Variants in AKAP6 observed in about 807,000 individuals in gnomAD.
AKAP6 encodes A-kinase anchoring protein 6, also known as A-kinase anchor protein 6.
Under a neutral mutation model 188.5 loss-of-function variants are expected in AKAP6, and 58 were observed. That is an observed-to-expected ratio of 0.31 (90% CI 0.25 to 0.38). The LOEUF (loss-of-function observed/expected upper bound fraction) is 0.38, where lower values mean the gene tolerates loss of function less well. AKAP6 is among the 10% of genes least tolerant of loss of function. The pLI is 1.00. For missense variants in AKAP6, 2,710 were observed against 2,740.0 expected, an observed-to-expected ratio of 0.99 and a Z score of 0.24; for synonymous variants, 989 against 998.6, an observed-to-expected ratio of 0.99 and a Z score of 0.18.
At chr14:32,752,922 T>C (rs1321601822) in intron 11 of AKAP6, among the ~76,000 whole-genome samples, 1 of 152,192 alleles carries the variant, frequency 6.6e-6, no homozygotes, top group Non-Finnish European at 1.5e-5. Context: ...TGTGTATGTG[T>C]ATGAATGTGT....
chr14:32,795,633 A>G (rs10136846), intron 12 of AKAP6, among the ~76,000 whole-genome samples: 3,447 of 152,328 alleles, frequency 0.023, 54 homozygotes, highest in African/African-American at 0.037. Flanking sequence ...TATTAAAGGA[A>G]CATACCTTAA....
At chr14:32,364,182 C>T (rs147507309) in intron 1 of AKAP6, among the ~76,000 whole-genome samples, 1,524 of 151,852 alleles carry the variant, frequency 0.01, 30 homozygotes, top group African/African-American at 0.034. Context: ...AGCAGGAAAA[C>T]GAAGGAAGAA....
intron 2 of AKAP6, among the ~76,000 whole-genome samples, chr14:32,452,755 C>T (rs189601435): frequency 5.9e-5 from 9 of 152,242 alleles, no homozygotes; most frequent in Admixed American, 5.9e-4. Flanking sequence ...TAAACAATTC[C>T]TTGGTTGATT....
intron 1 of AKAP6, among the ~76,000 whole-genome samples, chr14:32,432,577 G>A (rs1346248410): frequency 6.6e-6 from 1 of 152,086 alleles, no homozygotes; most frequent in African/African-American, 2.4e-5. Flanking sequence ...TACAATCCAT[G>A]ATTTATACTT....
chr14:32,408,526 T>G (rs1889371859), intron 1 of AKAP6, among the ~76,000 whole-genome samples: 1 of 148,368 alleles, frequency 6.7e-6, no homozygotes, highest in South Asian at 2.1e-4. Context: ...TTATAATATA[T>G]AATATATAAT....
chr14:32,803,510 C>G (rs545126398), intron 12 of AKAP6, among the ~76,000 whole-genome samples: 10 of 152,144 alleles, frequency 6.6e-5, no homozygotes, highest in Admixed American at 1.3e-4. Context: ...TTCTAAAAAT[C>G]CTACTTAACT....
intron 4 of AKAP6, among the ~76,000 whole-genome samples, chr14:32,565,584 C>G (rs894470026): frequency 3.3e-5 from 5 of 152,194 alleles, no homozygotes; most frequent in Non-Finnish European, 5.9e-5. Flanking sequence ...AGCCTTTCAA[C>G]TGGCAATCAT....
intron 2 of AKAP6, among the ~76,000 whole-genome samples, chr14:32,460,403 TGGTTAGGTA>T (rs1427146097): frequency 6.6e-6 from 1 of 152,186 alleles, no homozygotes; most frequent in Non-Finnish European, 1.5e-5. Context: ...TCACTGGGGC[TGGTTAGGTA>T]GTGGGTCCAA....
chr14:32,673,152 C>T (rs1285294798), intron 7 of AKAP6, among the ~76,000 whole-genome samples: 3 of 152,180 alleles, frequency 2.0e-5, no homozygotes, highest in Non-Finnish European at 4.4e-5. Flanking sequence ...TGTTTCTTCA[C>T]CTGACAAGGT....
At chr14:32,733,452 T>C (rs1048704997) in intron 10 of AKAP6, 3 of 152,298 alleles carry the variant, frequency 2.0e-5, no homozygotes, top group Non-Finnish European at 4.4e-5. Context: ...ATGTCAGTTA[T>C]GGAGCATAAT....
intron 2 of AKAP6, chr14:32,495,118 C>G (rs1048214404): frequency 1.3e-5 from 2 of 152,192 alleles, no homozygotes; most frequent in African/African-American, 4.8e-5. Context: ...GCTATAGTTA[C>G]AGTTCATAAC....
At chr14:32,792,781 A>G (rs1212695802) in intron 12 of AKAP6, among the ~76,000 whole-genome samples, 1 of 152,108 alleles carries the variant, frequency 6.6e-6, no homozygotes, top group Non-Finnish European at 1.5e-5. Flanking sequence ...TTATTTTAAG[A>G]TATGTTTCAT....
chr14:32,422,092 A>G (rs1395312043), intron 1 of AKAP6, among the ~76,000 whole-genome samples: 1 of 152,164 alleles, frequency 6.6e-6, no homozygotes, highest in Admixed American at 6.6e-5. Context: ...GTAAGGAGAG[A>G]CCTATAGTTC....
intron 1 of AKAP6, among the ~76,000 whole-genome samples, chr14:32,355,692 A>G (rs1245828294): frequency 1.3e-5 from 2 of 152,238 alleles, no homozygotes; most frequent in African/African-American, 4.8e-5. Flanking sequence ...TGCTATTTCA[A>G]GATAGCTTTA....
chr14:32,813,433 G>C (rs2034299719), intron 12 of AKAP6, among the ~76,000 whole-genome samples: 1 of 128,606 alleles, frequency 7.8e-6, no homozygotes, highest in Admixed American at 9.7e-5. Context: ...CGGTGGAGCT[G>C]AAAGTTCCAG....
intron 12 of AKAP6, among the ~76,000 whole-genome samples, chr14:32,810,465 C>T (rs2140113335): frequency 6.6e-6 from 1 of 152,252 alleles, no homozygotes; most frequent in East Asian, 1.9e-4. Context: ...AATTGGATCT[C>T]AGGATCCTAA....
At chr14:32,593,061 C>CACAG in intron 5 of AKAP6, among the ~76,000 whole-genome samples, 1 of 144,146 alleles carries the variant, frequency 6.9e-6, no homozygotes, top group Non-Finnish European at 1.5e-5. Context: ...CACACACACA[C>CACAG]AGCTGTGAGC....
chr14:32,804,296 T>C (rs927116002), intron 12 of AKAP6, among the ~76,000 whole-genome samples: 1 of 152,208 alleles, frequency 6.6e-6, no homozygotes, highest in Non-Finnish European at 1.5e-5. Flanking sequence ...TATCCCATCT[T>C]ACCTGCTTCT....
At chr14:32,734,861 T>C in intron 10 of AKAP6, among the ~76,000 whole-genome samples, 1 of 152,122 alleles carries the variant, frequency 6.6e-6, no homozygotes, top group East Asian at 1.9e-4. Context: ...TTTTTGTAGG[T>C]TTAATGCATC....
Sources: allele counts gnomAD v4.1 joint callset (sites outside exome capture counted in the v4.1 genomes callset), GRCh38; gene constraint gnomAD v4.1.1; transcripts MANE v1.5; gene names NCBI Gene and HGNC (gene_info 2026-07-23, HGNC 2026-07-21).